Variants in KLHL23 observed in about 807,000 individuals in gnomAD.
The protein encoded by KLHL23 is kelch like family member 23.
KLHL23 carries 33 observed loss-of-function variants against 48.9 expected under a neutral mutation model. The observed-to-expected ratio is 0.67, with a 90% CI of 0.51 to 0.90. KLHL23 has a LOEUF of 0.90. Ranked by LOEUF, KLHL23 falls within the 40% of genes least tolerant of loss-of-function variation. The pLI, the probability that KLHL23 is intolerant of heterozygous loss-of-function variation, is 0.00. For synonymous variants in KLHL23, 234 were observed against 231.6 expected (o/e 1.01, Z -0.09); for missense variants, 608 against 669.6 (o/e 0.91, Z 1.02).
At chr2:169,737,033 G>A (rs1350752402) in intron 2 of KLHL23, among the ~76,000 whole-genome samples, 1 of 152,216 alleles carries the variant, frequency 6.6e-6, no homozygotes, top group African/African-American at 2.4e-5. Context: ...AGGCAGAACA[G>A]TCTTGGGATC....
chr2:169,736,354 T>G (rs1688518235), intron 2 of KLHL23, 127 bp downstream of exon 2: 3 of 1,323,392 alleles, frequency 2.3e-6, no homozygotes, highest in Non-Finnish European at 3.0e-6. Context: ...CAAATAATGC[T>G]ACACAGAATG....
At chr2:169,737,202 GATTAA>G (rs1459441564) in intron 2 of KLHL23, among the ~76,000 whole-genome samples, 5 of 152,214 alleles carry the variant, frequency 3.3e-5, no homozygotes, top group South Asian at 4.1e-4. Context: ...TCATTGAGAG[GATTAA>G]ATTAATCTAT....
intron 2 of KLHL23, among the ~76,000 whole-genome samples, chr2:169,737,631 T>G (rs1688550817): frequency 6.6e-6 from 1 of 151,866 alleles, no homozygotes; most frequent in African/African-American, 2.4e-5. Flanking sequence ...TTTTTTTTTT[T>G]TGAGATGGAG....
intron 2 of KLHL23, 115 bp from the exon 3 acceptor site, chr2:169,741,270 A>G (rs1170030538): frequency 7.2e-7 from 1 of 1,389,508 alleles, no homozygotes; most frequent in Non-Finnish European, 9.7e-7. Context: ...CACTTAGCAC[A>G]GTACCTTGCA....
chr2:169,747,119 C>G (rs1688808697), intron 3 of KLHL23, among the ~76,000 whole-genome samples: 1 of 152,050 alleles, frequency 6.6e-6, no homozygotes, highest in African/African-American at 2.4e-5. Flanking sequence ...CACGGTGGCT[C>G]ACGCCTGTAA....
At chr2:169,744,159 C>A (rs1169843880) in intron 3 of KLHL23, among the ~76,000 whole-genome samples, 1 of 152,130 alleles carries the variant, frequency 6.6e-6, no homozygotes, top group Non-Finnish European at 1.5e-5. Context: ...TTAGTCTTTA[C>A]TGCCGTAGGA....
rs199937800 is a variant in KLHL23, at chr2:169,741,556, C to T, written c.1366+19C>T. ...CATCCAGGTAACAAAAATACTGTCTCAAATAGTGTATGTTGTGATGTAGTT... is the reference window on the plus strand; with the variant it reads ...CATCCAGGTAACAAAAATACTGTCTTAAATAGTGTATGTTGTGATGTAGTT... On this transcript the variant is annotated intron_variant, in intron 3 of 3. Coordinates refer to ENST00000392647, the MANE Select transcript of KLHL23 (RefSeq NM_144711.6). 6.2e-7 allele frequency: 1 copy of T among 1,606,130 alleles called. No homozygotes were observed. The highest frequency in any genetic ancestry group is 2.2e-5 in the East Asian group (1 of 44,768).
intron 2 of KLHL23, among the ~76,000 whole-genome samples, chr2:169,739,512 A>C (rs1688622683): frequency 6.6e-6 from 1 of 152,130 alleles, no homozygotes; most frequent in Admixed American, 6.5e-5. Context: ...AAGCCTTTGC[A>C]CTGGCTTTTC....
At chr2:169,747,963 A>G (rs1688834015) in intron 3 of KLHL23, among the ~76,000 whole-genome samples, 2 of 152,126 alleles carry the variant, frequency 1.3e-5, no homozygotes, top group Non-Finnish European at 2.9e-5. Context: ...CATCTCTACA[A>G]AAATACAAAA....
chr2:169,736,684 C>T (rs1162379277), intron 2 of KLHL23, among the ~76,000 whole-genome samples: 1 of 151,964 alleles, frequency 6.6e-6, no homozygotes, highest in African/African-American at 2.4e-5. Flanking sequence ...CCATACTCTC[C>T]CTCATGTGGC....
At chr2:169,746,209 C>T (rs1433057317) in intron 3 of KLHL23, among the ~76,000 whole-genome samples, 1 of 152,138 alleles carries the variant, frequency 6.6e-6, no homozygotes, top group Non-Finnish European at 1.5e-5. Context: ...TTGCCATCGG[C>T]AAGTAGACTA....
chr2:169,744,716 C>G lies in KLHL23; in HGVS notation c.1366+3179C>G, dbSNP rs560734282. ...TGAGATTACAGGCGCTGCTACTTTGCCCGGCTAATTTTTCATATTTTTAGT... is the reference window on the plus strand; with the variant it reads ...TGAGATTACAGGCGCTGCTACTTTGGCCGGCTAATTTTTCATATTTTTAGT... On this transcript the variant is annotated intron_variant, in intron 3 of 3. Transcript: ENST00000392647. Among the ~76,000 whole-genome samples, 100 of 152,004 alleles carry G rather than the reference C, an allele frequency of 6.6e-4. 1 individual carries two copies. Among genetic ancestry groups the G allele is most frequent in the Non-Finnish European group, 1.3e-3 (90 of 67,948 alleles).
chr2:169,735,651 GA>G lies in KLHL23; in HGVS notation c.641del (p.Asn214IlefsTer10), dbSNP rs769233601. On this transcript the variant is annotated frameshift_variant, in exon 2 of 4. Transcript: ENST00000392647. LOFTEE classifies it high-confidence loss of function. This position sits in a 1 kb window ranked among gnomAD's most constrained non-coding sequence, Gnocchi z 4.5. ...PVIKWTAHDV[E>X]NRIECLYNLL... ...TATTAAGTGGACTGCTCATGATGTA[GA>G]AAATCGAATTGAATGCCTCTATAAT... The G allele has an allele frequency of 2.1e-5, 34 of 1,613,928 alleles. No individual in the cohort carries two copies. In the East Asian group the frequency reaches 7.1e-4, roughly 34 times the overall value.
chr2:169,748,837 C>T (rs1440737637), intron 3 of KLHL23, among the ~76,000 whole-genome samples: 1 of 150,954 alleles, frequency 6.6e-6, no homozygotes, highest in Admixed American at 6.6e-5. Flanking sequence ...CAGCCCTCCG[C>T]CTGGGGGCAC....
At chr2:169,747,399 A>AAAAAAC (rs1028199216) in intron 3 of KLHL23, among the ~76,000 whole-genome samples, 9 of 150,478 alleles carry the variant, frequency 6.0e-5, no homozygotes, top group Non-Finnish European at 1.0e-4. Context: ...TAAAAAAAAA[A>AAAAAAC]AAAAAAAAAC....
At chr2:169,740,096 TTACTG>T (rs1688636674) in intron 2 of KLHL23, among the ~76,000 whole-genome samples, 1 of 152,144 alleles carries the variant, frequency 6.6e-6, no homozygotes, top group Non-Finnish European at 1.5e-5. Flanking sequence ...GCCTAGGACA[TTACTG>T]TACACTACTG....
intron 2 of KLHL23, among the ~76,000 whole-genome samples, chr2:169,740,591 G>C (rs1159900419): frequency 2.7e-5 from 4 of 150,622 alleles, no homozygotes; most frequent in Non-Finnish European, 5.9e-5. Context: ...TAGGACTACA[G>C]GCGCCCACCA....
At position 169,735,856 on chromosome 2, in the gene KLHL23, A is replaced by G; in HGVS notation, c.842A>G (p.Tyr281Cys). Residue 281 changes from tyrosine to cysteine, a missense_variant, in exon 2 of 4, where the codon TAT (tyrosine) becomes TGT (cysteine). Tyr to Cys is a radical substitution (Grantham distance 194). Transcript: ENST00000392647. This position sits in a 1 kb window ranked among gnomAD's most constrained non-coding sequence, Gnocchi z 4.5. ...GCCACAATGTATATAATTGGAGGCT[A>G]TTACTGGCATCCTTTATCAGAGGTT... is the stretch of plus-strand genomic sequence containing the variant. ...STATMYIIGG[Y>C]YWHPLSEVHI... 1 of 1,614,128 alleles carries G rather than the reference A, an allele frequency of 6.2e-7. No homozygotes were observed. The highest frequency in any genetic ancestry group is 8.5e-7 in the Non-Finnish European group (1 of 1,180,030).
intron 2 of KLHL23, 133 bp from the exon 3 acceptor site, chr2:169,741,252 C>T (rs1298512892): frequency 5.9e-6 from 7 of 1,183,658 alleles, no homozygotes; most frequent in East Asian, 2.5e-5. Context: ...TTCTTTTGTC[C>T]CTTATAGCAC....
Sources: gnomAD v4.1 joint callset for allele counts (sites outside exome capture counted in the v4.1 genomes callset) on GRCh38, gnomAD v4.1.1 for gene constraint, Gnocchi (gnomAD v3.1) non-coding constraint, MANE v1.5 for transcripts, NCBI Gene and HGNC (gene_info 2026-07-23, HGNC 2026-07-21) for gene names.